GLRA2: variants seen among roughly 807,000 people sequenced by gnomAD.
The protein encoded by GLRA2 is glycine receptor subunit alpha-2.
GLRA2 carries 11 observed loss-of-function variants against 31.6 expected under a neutral mutation model. That is an observed-to-expected ratio of 0.35 (90% CI 0.22 to 0.58). The LOEUF (loss-of-function observed/expected upper bound fraction) is 0.58, where lower values mean the gene tolerates loss of function less well. Ranked by LOEUF, GLRA2 falls within the 20% of genes least tolerant of loss-of-function variation. The pLI, the probability that GLRA2 is intolerant of heterozygous loss-of-function variation, is 0.84. For missense variants in GLRA2, 212 were observed against 351.8 expected (o/e 0.60, Z 3.18); for synonymous variants, 132 against 134.0 (o/e 0.99, Z 0.10).
intron 7 of GLRA2, among the ~76,000 whole-genome samples, chrX:14,676,429 A>AT (rs1315950062): frequency 5.4e-5 from 6 of 111,517 alleles, no homozygotes; most frequent in Admixed American, 9.5e-5. Context: ...GTCATTTGTG[A>AT]TTTTTTCTCC....
upstream of GLRA2, chrX:14,529,204 C>T (rs1264421313): frequency 9.1e-6 from 1 of 109,927 alleles, no homozygotes; most frequent in Non-Finnish European, 1.9e-5. Context: ...ATTTCGTTTT[C>T]CCACGATTAA....
intron 7 of GLRA2, among the ~76,000 whole-genome samples, chrX:14,666,089 T>A (rs1434839427): frequency 8.9e-6 from 1 of 112,223 alleles, no homozygotes; most frequent in Non-Finnish European, 1.9e-5. Flanking sequence ...ATGTGCTTCA[T>A]GTGAGAGAAA....
rs3027388 is a variant in GLRA2 at position 14,606,541 on chromosome X, C to T, written c.578-590C>T. Among the ~76,000 whole-genome samples, 26 of 111,440 alleles carry T rather than the reference C, an allele frequency of 2.3e-4. No homozygotes were observed. The East Asian group carries it at 3.1e-3, about 13-fold the overall frequency. On this transcript the variant is annotated intron_variant, in intron 5 of 8. Transcript: ENST00000218075. ...ATGAATATTCTTAATTTGCATATTCCATAATTTCCTCTTAGATTACCTGCC... is the reference window on the plus strand; with the variant it reads ...ATGAATATTCTTAATTTGCATATTCTATAATTTCCTCTTAGATTACCTGCC...
chrX:14,710,042 T>C (rs1438541744), intron 8 of GLRA2, among the ~76,000 whole-genome samples: 1 of 111,882 alleles, frequency 8.9e-6, no homozygotes, highest in Non-Finnish European at 1.9e-5. Flanking sequence ...CCTCAGGACA[T>C]GCCTCACTGC....
chrX:14,514,961 T>A, the GLRA2 span, among the ~76,000 whole-genome samples: 1 of 111,404 alleles, frequency 9.0e-6, no homozygotes, highest in Non-Finnish European at 1.9e-5. Flanking sequence ...AATTTCTATG[T>A]TTACCACTTT....
intron 8 of GLRA2, among the ~76,000 whole-genome samples, chrX:14,691,981 A>G (rs751967433): frequency 4.5e-5 from 5 of 112,242 alleles, no homozygotes; most frequent in Non-Finnish European, 5.6e-5. Context: ...AATATTTCAC[A>G]GTCCCTATTA....
intron 8 of GLRA2, among the ~76,000 whole-genome samples, chrX:14,696,693 C>T (rs761213014): frequency 8.9e-6 from 1 of 111,749 alleles, no homozygotes; most frequent in Non-Finnish European, 1.9e-5. Context: ...GCTTCAGAGA[C>T]GCCAAAGGAT....
At chrX:14,451,752 C>T in the GLRA2 span, among the ~76,000 whole-genome samples, 1 of 105,451 alleles carries the variant, frequency 9.5e-6, no homozygotes, top group Admixed American at 1.0e-4. Context: ...AGGACACCCA[C>T]AGGCTCAAAG....
chrX:14,453,454 G>T, the GLRA2 span, among the ~76,000 whole-genome samples: 3 of 111,525 alleles, frequency 2.7e-5, no homozygotes, highest in East Asian at 2.8e-4. Context: ...TCAATAGGCT[G>T]ATGTTGAGAA....
At chrX:14,606,155 T>TAA (rs35835313) in intron 5 of GLRA2, among the ~76,000 whole-genome samples, 68 of 88,780 alleles carry the variant, frequency 7.7e-4, no homozygotes, top group African/African-American at 2.5e-3. Flanking sequence ...TCCATAAACT[T>TAA]AAAAAAAAAA....
the GLRA2 span, among the ~76,000 whole-genome samples, chrX:14,485,620 C>T: frequency 9.0e-6 from 1 of 111,354 alleles, no homozygotes; most frequent in Admixed American, 9.5e-5. Context: ...AATCTACTCT[C>T]TTGGCAAGTT....
At chrX:14,696,230 G>A (rs1485394160) in intron 8 of GLRA2, among the ~76,000 whole-genome samples, 3 of 102,021 alleles carry the variant, frequency 2.9e-5, no homozygotes, top group Non-Finnish European at 6.0e-5. Context: ...GAGGGAGGGA[G>A]GGAGGGAGGG....
intron 7 of GLRA2, among the ~76,000 whole-genome samples, chrX:14,674,536 A>G (rs1055129902): frequency 8.1e-5 from 9 of 111,429 alleles, no homozygotes; most frequent in African/African-American, 2.9e-4. Flanking sequence ...TATCTTATTC[A>G]ATCCTTCAAT....
chrX:14,496,376 G>T, the GLRA2 span, among the ~76,000 whole-genome samples: 1 of 111,848 alleles, frequency 8.9e-6, no homozygotes, highest in Admixed American at 9.5e-5. Flanking sequence ...GTTGATCTCA[G>T]ATATGGTAAC....
At chrX:14,681,550 A>C (rs1166355559) in intron 7 of GLRA2, among the ~76,000 whole-genome samples, 1 of 110,836 alleles carries the variant, frequency 9.0e-6, no homozygotes, top group Non-Finnish European at 1.9e-5. Context: ...TAAAAACGAA[A>C]ACAAAAAAAT....
the GLRA2 span, among the ~76,000 whole-genome samples, chrX:14,461,719 T>C: frequency 1.8e-5 from 2 of 111,939 alleles, no homozygotes; most frequent in Non-Finnish European, 3.8e-5. Context: ...TCCTCCATCC[T>C]TTTATTTTGA....
intron 7 of GLRA2, among the ~76,000 whole-genome samples, chrX:14,611,327 T>G (rs902109211): frequency 1.8e-5 from 2 of 113,160 alleles, no homozygotes; most frequent in African/African-American, 6.4e-5. Flanking sequence ...AAAAGTAAGA[T>G]GTTTGTTATA....
the GLRA2 span, among the ~76,000 whole-genome samples, chrX:14,493,653 A>C: frequency 1.0e-5 from 1 of 98,660 alleles, no homozygotes; most frequent in Non-Finnish European, 2.0e-5. Context: ...ATATATACAT[A>C]TGTACACATA....
At chrX:14,487,750 A>G in the GLRA2 span, among the ~76,000 whole-genome samples, 1 of 112,027 alleles carries the variant, frequency 8.9e-6, no homozygotes, top group Non-Finnish European at 1.9e-5. Context: ...CTTGCAGAAT[A>G]AAATCCATAA....
Sources: gnomAD v4.1 joint callset for allele counts (sites outside exome capture counted in the v4.1 genomes callset) on GRCh38, gnomAD v4.1.1 for gene constraint, MANE v1.5 for transcripts, NCBI Gene and HGNC (gene_info 2026-07-23, HGNC 2026-07-21) for gene names.